FBP2: variants seen among roughly 807,000 people sequenced by gnomAD.
The protein encoded by FBP2 is fructose-1,6-bisphosphatase isozyme 2.
A neutral mutation model predicts 31.6 loss-of-function variants in FBP2; 27 were observed. The observed-to-expected ratio is 0.85, with a 90% CI of 0.63 to 1.18. FBP2 has a LOEUF of 1.18. Ranked by LOEUF, FBP2 falls within the 50% of genes most tolerant of loss-of-function variation. The pLI is 0.00. For synonymous variants in FBP2, 168 were observed against 179.8 expected (o/e 0.93, Z 0.53); for missense variants, 421 against 436.1 (o/e 0.97, Z 0.31).
At chr9:94,562,188 G>A (rs1386532562) in intron 6 of FBP2, among the ~76,000 whole-genome samples, 2 of 151,706 alleles carry the variant, frequency 1.3e-5, no homozygotes, top group African/African-American at 4.8e-5. Flanking sequence ...GCGGGCGCCT[G>A]TAGTCCCAGC....
At chr9:94,564,178 A>G (rs1458751666) in intron 5 of FBP2, among the ~76,000 whole-genome samples, 1 of 152,242 alleles carries the variant, frequency 6.6e-6, no homozygotes, top group Non-Finnish European at 1.5e-5. Flanking sequence ...AGAAAAATAT[A>G]CATTCTTCTC....
intron 6 of FBP2, among the ~76,000 whole-genome samples, chr9:94,560,395 T>C (rs1442874280): frequency 1.3e-5 from 2 of 152,296 alleles, no homozygotes; most frequent in East Asian, 1.9e-4. Context: ...TCTGTGATGA[T>C]GTCATGACGC....
intron 5 of FBP2, 142 bp from the exon 6 acceptor site, chr9:94,563,603 T>G (rs1827142254): frequency 5.4e-6 from 5 of 917,566 alleles, no homozygotes; most frequent in Non-Finnish European, 8.2e-6. Context: ...ATTGAAAAGA[T>G]TATATAATTG....
intron 2 of FBP2, among the ~76,000 whole-genome samples, chr9:94,585,666 AG>A (rs1021557550): frequency 2.6e-5 from 4 of 152,202 alleles, no homozygotes; most frequent in African/African-American, 9.6e-5. Flanking sequence ...TCTGTTGCCC[AG>A]GATGGAGTGC....
rs377238107 is a variant in FBP2 at position 94,564,164 on chromosome 9, A to C, written c.706-703T>G. 8.3e-4 allele frequency among the ~76,000 whole-genome samples: 126 copies of C among 152,340 alleles called. 2 individuals carry two copies. In the South Asian group the frequency reaches 0.025, roughly 31 times the overall value. On this transcript the variant is annotated intron_variant, in intron 5 of 6. Transcript: ENST00000375337. ...GACATCTATAGAACTCTCCACCCAA[A>C]ACCAGAAAAATATACATTCTTCTCA...
At chr9:94,590,549 G>A (rs570006708) in intron 1 of FBP2, among the ~76,000 whole-genome samples, 472 of 152,272 alleles carry the variant, frequency 3.1e-3, no homozygotes, top group African/African-American at 0.01. Context: ...CAGCTCTTAA[G>A]GTGGCGCATC....
intron 1 of FBP2, among the ~76,000 whole-genome samples, chr9:94,593,266 G>A (rs2131464284): frequency 6.6e-6 from 1 of 152,324 alleles, no homozygotes; most frequent in Non-Finnish European, 1.5e-5. Flanking sequence ...TACAAGTCAT[G>A]ATAACACAAT....
chr9:94,571,233 T>C (rs1827265071), intron 4 of FBP2, among the ~76,000 whole-genome samples: 2 of 152,080 alleles, frequency 1.3e-5, no homozygotes, highest in African/African-American at 4.8e-5. Flanking sequence ...AGGGCCTGAG[T>C]TGATGCAACT....
intron 4 of FBP2, among the ~76,000 whole-genome samples, chr9:94,571,187 T>A (rs1670612148): frequency 6.6e-6 from 1 of 152,188 alleles, no homozygotes; most frequent in African/African-American, 2.4e-5. Flanking sequence ...GCCAAAGAGA[T>A]TGAGTGCATT....
intron 4 of FBP2, chr9:94,568,588 G>T (rs1437914662): frequency 1.3e-5 from 2 of 152,156 alleles, no homozygotes; most frequent in Non-Finnish European, 2.9e-5. Flanking sequence ...AGGCCAGAAG[G>T]TTCCCAAGGA....
chr9:94,561,352 A>ATTTTTTTTTTTTTTTT (rs1174386595), intron 6 of FBP2, among the ~76,000 whole-genome samples: 4 of 54,990 alleles, frequency 7.3e-5, no homozygotes, highest in Admixed American at 3.1e-4. Flanking sequence ...TGTGACCTGT[A>ATTTTTTTTTTTTTTTT]TTTTTTTTTT....
chr9:94,561,645 G>A (rs1003831275), intron 6 of FBP2, among the ~76,000 whole-genome samples: 10 of 152,014 alleles, frequency 6.6e-5, no homozygotes, highest in Admixed American at 1.3e-4. Flanking sequence ...GATTACAGGC[G>A]TGAGCCACCG....
chr9:94,561,713 A>G (rs1827107201), intron 6 of FBP2, among the ~76,000 whole-genome samples: 1 of 152,200 alleles, frequency 6.6e-6, no homozygotes, highest in South Asian at 2.1e-4. Context: ...ATACAGATGC[A>G]GACACACACA....
chr9:94,571,380 G>T, intron 4 of FBP2, 82 bp downstream of exon 4: 9 of 1,364,564 alleles, frequency 6.6e-6, no homozygotes, highest in Non-Finnish European at 8.8e-6. Context: ...GAATAACCAG[G>T]ACATTATCGC....
At chr9:94,563,088 C>T (rs1417425763) in intron 6 of FBP2, among the ~76,000 whole-genome samples, 2 of 152,200 alleles carry the variant, frequency 1.3e-5, no homozygotes, top group African/African-American at 4.8e-5. Flanking sequence ...TCATGGTGAA[C>T]GGTGGGTGTG....
chr9:94,571,420 A>G (rs1003247586), intron 4 of FBP2, 42 bp downstream of exon 4: 2 of 1,548,342 alleles, frequency 1.3e-6, no homozygotes, highest in Non-Finnish European at 1.7e-6. Context: ...ACAGAGGCCC[A>G]TGGAGTCCCC....
At chr9:94,570,275 CAA>C (rs536310421) in intron 4 of FBP2, 3 of 152,306 alleles carry the variant, frequency 2.0e-5, no homozygotes, top group South Asian at 2.1e-4. Context: ...TGCTTGTACT[CAA>C]GAGCAGTTGT....
chr9:94,570,171 CTCTG>C (rs1191802573), intron 4 of FBP2: 2 of 152,246 alleles, frequency 1.3e-5, no homozygotes, highest in African/African-American at 4.8e-5. Flanking sequence ...AAAACAGAGG[CTCTG>C]TCTGTGCCTG....
At chr9:94,565,731 A>G (rs991584552) in intron 5 of FBP2, among the ~76,000 whole-genome samples, 8 of 86,290 alleles carry the variant, frequency 9.3e-5, no homozygotes, top group African/African-American at 2.1e-4. Context: ...ATATAGGTAG[A>G]TAGATGATAG....
Sources: gnomAD v4.1 joint callset for allele counts (sites outside exome capture counted in the v4.1 genomes callset) on GRCh38, gnomAD v4.1.1 for gene constraint, MANE v1.5 for transcripts, NCBI Gene and HGNC (gene_info 2026-07-23, HGNC 2026-07-21) for gene names.